Variants in PTPRT observed in about 807,000 individuals in gnomAD.
PTPRT encodes protein tyrosine phosphatase receptor type T.
PTPRT carries 56 observed loss-of-function variants against 176.8 expected under a neutral mutation model. The observed-to-expected ratio is 0.32, with a 90% confidence interval of 0.26 to 0.40. The LOEUF (loss-of-function observed/expected upper bound fraction) is 0.40, where lower values mean the gene tolerates loss of function less well. Ranked by LOEUF, PTPRT falls within the 10% of genes least tolerant of loss-of-function variation. The pLI, the probability that PTPRT is intolerant of heterozygous loss-of-function variation, is 1.00. For synonymous variants in PTPRT, 783 were observed against 739.0 expected (o/e 1.06, Z -0.96); for missense variants, 1,540 against 1,908.2 (o/e 0.81, Z 3.60).
intron 1 of PTPRT, among the ~76,000 whole-genome samples, chr20:42,904,530 G>A (rs898020440): frequency 2.6e-5 from 4 of 152,186 alleles, no homozygotes; most frequent in African/African-American, 9.7e-5. Context: ...AACAACAGTG[G>A]AAGAGGTGAA....
At chr20:42,692,871 T>C (rs2075813558) in intron 6 of PTPRT, among the ~76,000 whole-genome samples, 1 of 152,146 alleles carries the variant, frequency 6.6e-6, no homozygotes, top group Non-Finnish European at 1.5e-5. Flanking sequence ...TCAATGGTAA[T>C]AGACATCATA....
chr20:42,974,015 C>G (rs1263455305), intron 1 of PTPRT, among the ~76,000 whole-genome samples: 1 of 152,074 alleles, frequency 6.6e-6, no homozygotes, highest in East Asian at 1.9e-4. Flanking sequence ...AGAATGAAAG[C>G]AGGGTAATCC....
chr20:42,942,330 C>T (rs1980606499), intron 1 of PTPRT, among the ~76,000 whole-genome samples: 2 of 152,168 alleles, frequency 1.3e-5, no homozygotes, highest in Admixed American at 6.5e-5. Flanking sequence ...TCCGCAGTTT[C>T]CAGAGAAGAA....
intron 7 of PTPRT, among the ~76,000 whole-genome samples, chr20:42,582,364 A>G (rs2145728310): frequency 6.6e-6 from 1 of 152,282 alleles, no homozygotes; most frequent in South Asian, 2.1e-4. Flanking sequence ...TAGAGGTGGA[A>G]TCACAGGCTG....
chr20:42,981,944 G>C (rs901002103), intron 1 of PTPRT, among the ~76,000 whole-genome samples: 2 of 152,072 alleles, frequency 1.3e-5, no homozygotes, highest in Admixed American at 1.3e-4. Flanking sequence ...TTTATGGGGC[G>C]CTCTTTTCAG....
chr20:42,840,727 A>G (rs535496436), intron 2 of PTPRT, among the ~76,000 whole-genome samples: 110 of 152,218 alleles, frequency 7.2e-4, no homozygotes, highest in African/African-American at 2.6e-3. Context: ...CATCTTTTTT[A>G]GAGAGACACA....
chr20:42,800,273 G>A (rs2077511173), intron 2 of PTPRT, among the ~76,000 whole-genome samples: 1 of 152,166 alleles, frequency 6.6e-6, no homozygotes, highest in Admixed American at 6.5e-5. Context: ...CTGCTAGGCT[G>A]CACACCACAT....
At chr20:43,055,363 G>A (rs1568757250) in intron 1 of PTPRT, among the ~76,000 whole-genome samples, 1 of 152,134 alleles carries the variant, frequency 6.6e-6, no homozygotes, top group South Asian at 2.1e-4. Flanking sequence ...GTCAACTAAG[G>A]GGGCAGGAAA....
At chr20:42,743,840 A>G (rs1056922453) in intron 6 of PTPRT, among the ~76,000 whole-genome samples, 3 of 152,216 alleles carry the variant, frequency 2.0e-5, no homozygotes, top group Non-Finnish European at 4.4e-5. Flanking sequence ...CTGCTTCCTG[A>G]GAATTGCTAC....
In PTPRT at chr20:42,248,899, G is replaced by A; in HGVS notation, c.2177-77C>T. 1.9e-6 allele frequency: 3 copies of A among 1,540,768 alleles called. 1 individual carries two copies. The Middle Eastern group carries it at 5.1e-4, about 262-fold the overall frequency. ...CTAGACAATCATCATAATGACAACA[G>A]CTTCCTTTAGTTGAGTGCTAACTAT... On this transcript the variant is annotated intron_variant, in intron 13 of 30. Transcript: ENST00000373187.
chr20:42,544,165 G>A (rs1024803627), intron 7 of PTPRT, among the ~76,000 whole-genome samples: 6 of 152,110 alleles, frequency 3.9e-5, no homozygotes, highest in African/African-American at 1.2e-4. Flanking sequence ...CTCTAGCTAC[G>A]AAAGTCCTAG....
intron 1 of PTPRT, among the ~76,000 whole-genome samples, chr20:43,045,010 G>A (rs1353119504): frequency 6.6e-6 from 1 of 152,222 alleles, no homozygotes; most frequent in Non-Finnish European, 1.5e-5. Context: ...GCCTTAAAAT[G>A]TCACTGTAAG....
chr20:42,345,320 A>G (rs935600610), intron 11 of PTPRT, among the ~76,000 whole-genome samples: 2 of 151,452 alleles, frequency 1.3e-5, no homozygotes, highest in African/African-American at 2.4e-5. Context: ...AGAAAATTCT[A>G]TTGAACAGCA....
intron 16 of PTPRT, among the ~76,000 whole-genome samples, chr20:42,172,939 C>T (rs190789649): frequency 1.2e-3 from 189 of 152,236 alleles, no homozygotes; most frequent in Admixed American, 3.3e-4. Context: ...TGCCAAACTC[C>T]GCTAGGGATC....
intron 2 of PTPRT, among the ~76,000 whole-genome samples, chr20:42,868,375 AC>A (rs2078786828): frequency 6.6e-6 from 1 of 152,232 alleles, no homozygotes; most frequent in South Asian, 2.1e-4. Flanking sequence ...ATAGCCAAGA[AC>A]TTGGCTGAAT....
chr20:42,161,394 C>G lies in PTPRT; in HGVS notation c.2640G>C (p.Gln880His). ...RVADLLQHIT[Q>H]MKRGQGYGFK... The stretch of plus-strand genomic sequence containing the variant: ...ACCCGTAGCCCTGGCCTCTCTTCAT[C>G]TGCGTGATGTGCTGCAGCAAGTCAG... Residue 880 changes from glutamine (Q) to histidine (H), a missense_variant, in exon 17 of 31, where the codon CAG becomes CAC. Gln to His is a conservative substitution (Grantham distance 24). This residue lies in a region of PTPRT where 255 missense variants were observed against 250.1 expected (regional missense o/e 1.02). Transcript: ENST00000373187. The G allele has an allele frequency of 6.2e-7, 1 of 1,614,152 alleles. No individual in the cohort carries two copies. Among genetic ancestry groups the G allele is most frequent in the Non-Finnish European group, 8.5e-7 (1 of 1,180,034 alleles).
At chr20:42,681,778 C>A (rs1163980573) in intron 6 of PTPRT, among the ~76,000 whole-genome samples, 1 of 152,156 alleles carries the variant, frequency 6.6e-6, no homozygotes, top group Non-Finnish European at 1.5e-5. Flanking sequence ...TAGAGAGGCC[C>A]TGGGAGCCAG....
chr20:42,604,574 G>A (rs2073839658), intron 7 of PTPRT, among the ~76,000 whole-genome samples: 1 of 151,942 alleles, frequency 6.6e-6, no homozygotes, highest in Non-Finnish European at 1.5e-5. Context: ...TGGCTATGGT[G>A]AGAGAAGAAC....
At chr20:42,175,007 AG>A (rs1163383544) in intron 16 of PTPRT, among the ~76,000 whole-genome samples, 2 of 152,258 alleles carry the variant, frequency 1.3e-5, no homozygotes, top group African/African-American at 4.8e-5. Flanking sequence ...CTCCATGGCC[AG>A]GATCCTCAAA....
Sources: allele counts gnomAD v4.1 joint callset (sites outside exome capture counted in the v4.1 genomes callset), GRCh38; gene constraint gnomAD v4.1.1; regional missense constraint gnomAD v4.1.1; transcripts MANE v1.5; gene names NCBI Gene and HGNC (gene_info 2026-07-23, HGNC 2026-07-21).